The following CCDC88C variants were observed in gnomAD, a reference collection of about 807,000 sequenced individuals.
The protein encoded by CCDC88C is coiled-coil and HOOK domain protein 88C, also known as protein Daple.
A neutral mutation model predicts 198.8 loss-of-function variants in CCDC88C; 131 were observed. The ratio of observed to expected loss-of-function variants is 0.66; its 90% CI spans 0.57 to 0.76. The LOEUF is 0.76. CCDC88C is among the 30% of genes least tolerant of loss of function. CCDC88C has a pLI of 0.00. For synonymous variants in CCDC88C, 1,166 were observed against 1,114.7 expected (o/e 1.05, Z -0.92); for missense variants, 2,553 against 2,631.6 (o/e 0.97, Z 0.65).
At chr14:91,383,336 A>T (rs937353772) in intron 3 of CCDC88C, among the ~76,000 whole-genome samples, 1 of 152,192 alleles carries the variant, frequency 6.6e-6, no homozygotes, top group Non-Finnish European at 1.5e-5. Flanking sequence ...CCCAGCCAGG[A>T]ATCTCAGGGG....
intron 4 of CCDC88C, among the ~76,000 whole-genome samples, chr14:91,348,628 C>A (rs981542363): frequency 1.3e-5 from 2 of 152,132 alleles, no homozygotes; most frequent in Non-Finnish European, 2.9e-5. Context: ...CATCCCAACA[C>A]CCATTAGACA....
chr14:91,391,400 TC>T (rs969235773), intron 3 of CCDC88C, among the ~76,000 whole-genome samples: 1 of 152,144 alleles, frequency 6.6e-6, no homozygotes, highest in African/African-American at 2.4e-5. Context: ...ATCCCCACCA[TC>T]CATTTCTAGA....
Position 91,338,829 on chromosome 14 carries a change from G to T in CCDC88C, c.810-259C>A. The T allele has an allele frequency of 1.9e-6, 1 of 521,332 alleles. No individual in the cohort carries two copies. The highest frequency in any genetic ancestry group is 3.5e-6 in the Non-Finnish European group (1 of 287,814). 32.3% of individuals were successfully genotyped at this position (521,332 alleles called of 1,614,324 possible). On this transcript the variant is annotated intron_variant, in intron 8 of 29. Coordinates refer to ENST00000389857, the MANE Select transcript of CCDC88C (RefSeq NM_001080414.4). The surrounding 1 kb of genome is among the most constrained non-coding windows in gnomAD (Gnocchi z 4.8). ...CCTCCCTGTGTGTGGGGCAGGTAAG[G>T]AGACCCCAGCGGCAGCTGTACCACC...
intron 15 of CCDC88C, among the ~76,000 whole-genome samples, chr14:91,311,331 C>T (rs141098048): frequency 4.6e-5 from 7 of 152,338 alleles, no homozygotes; most frequent in African/African-American, 1.2e-4. Context: ...CTGCATGGAT[C>T]GTCAGTCATC....
chr14:91,367,218 T>C (rs745893640), intron 3 of CCDC88C, among the ~76,000 whole-genome samples: 3 of 150,780 alleles, frequency 2.0e-5, no homozygotes, highest in Non-Finnish European at 4.4e-5. Flanking sequence ...GAGCTGCTAA[T>C]GCAGAATAAA....
At chr14:91,356,367 C>T (rs550204765) in intron 4 of CCDC88C, among the ~76,000 whole-genome samples, 144 of 152,302 alleles carry the variant, frequency 9.5e-4, no homozygotes, top group African/African-American at 3.4e-3. Context: ...TCTAGCATGT[C>T]AGTCAGCGAG....
At chr14:91,314,431 T>A (rs751707730) in intron 14 of CCDC88C, among the ~76,000 whole-genome samples, 3 of 152,206 alleles carry the variant, frequency 2.0e-5, no homozygotes, top group Non-Finnish European at 4.4e-5. Context: ...TTTCTCTTGG[T>A]CTCTGGTAGC....
At chr14:91,327,837 C>A (rs193097108) in intron 10 of CCDC88C, among the ~76,000 whole-genome samples, 1 of 152,208 alleles carries the variant, frequency 6.6e-6, no homozygotes, top group African/African-American at 2.4e-5. Context: ...GAGCAACCAC[C>A]GCACAGGCTG....
intron 3 of CCDC88C, among the ~76,000 whole-genome samples, chr14:91,374,412 A>C (rs903419832): frequency 3.3e-5 from 5 of 152,232 alleles, no homozygotes; most frequent in Admixed American, 6.5e-5. Context: ...AAAGAGGTAA[A>C]TATATGTCAC....
chr14:91,324,971 T>TC, intron 11 of CCDC88C, 48 bp from the exon 12 acceptor site: 4 of 1,609,250 alleles, frequency 2.5e-6, no homozygotes, highest in Non-Finnish European at 3.4e-6. Flanking sequence ...CAGCTGGAGA[T>TC]CCCCCTGGAC....
intron 3 of CCDC88C, among the ~76,000 whole-genome samples, chr14:91,370,134 C>T (rs906710274): frequency 6.6e-5 from 10 of 152,238 alleles, no homozygotes; most frequent in Non-Finnish European, 7.3e-5. Flanking sequence ...CCGCTAACTC[C>T]TGCCTCTGCC....
At chr14:91,311,267 G>C (rs772468747) in intron 15 of CCDC88C, among the ~76,000 whole-genome samples, 2 of 152,226 alleles carry the variant, frequency 1.3e-5, no homozygotes, top group Non-Finnish European at 2.9e-5. Context: ...TAACGAGCCG[G>C]GGCTCTGCCT....
rs200261539 is a variant in CCDC88C at position 91,289,196 on chromosome 14, C to A, written c.4350G>T (p.Pro1450=). ...CGGGGTTCTCGGCCTGTGATCTGAG[C>A]GGCTGAGAGGCCGCCGGCGAGGCGG... ...SDPASPAASQ[P]LRSQAENPDT... Residue 1450 remains proline, a synonymous_variant, in exon 25 of 30, where the codon CCG becomes CCT. Coordinates refer to ENST00000389857, the MANE Select transcript of CCDC88C (RefSeq NM_001080414.4). The A allele has an allele frequency of 1.9e-6, 3 of 1,613,956 alleles. No individual in the cohort carries two copies. The highest frequency in any genetic ancestry group is 4.5e-5 in the East Asian group (2 of 44,878).
At position 91,339,044 on chromosome 14, in the gene CCDC88C, T is replaced by C. The variant is rs1255373317; in HGVS notation, c.809+234A>G. The C allele has an allele frequency of 1.6e-6, 1 of 622,538 alleles. No homozygotes were observed. The highest frequency in any genetic ancestry group is 1.8e-5 in the African/African-American group (1 of 55,506). 38.6% of individuals were successfully genotyped at this position (622,538 alleles called of 1,614,324 possible). ...GCTTCTGTGGACAACTTGCACCGTC[T>C]GGACGGGAGGAAACCCTGAAGACCG... On this transcript the variant is annotated intron_variant, in intron 8 of 29. Coordinates refer to ENST00000389857, the MANE Select transcript of CCDC88C (RefSeq NM_001080414.4). The surrounding 1 kb of genome is among the most constrained non-coding windows in gnomAD (Gnocchi z 5.8).
intron 3 of CCDC88C, among the ~76,000 whole-genome samples, chr14:91,387,480 A>C (rs979867159): frequency 1.3e-5 from 2 of 152,224 alleles, no homozygotes; most frequent in African/African-American, 4.8e-5. Context: ...GCTCCCAGGA[A>C]GGCAATGACA....
chr14:91,281,328 A>G (rs1596017587), intron 27 of CCDC88C, 129 bp downstream of exon 27: 2 of 1,546,674 alleles, frequency 1.3e-6, no homozygotes, highest in East Asian at 4.9e-5. Context: ...GGAAGGAAGA[A>G]TGGGTCCCCC....
chr14:91,309,399 T>C (rs970594156), intron 16 of CCDC88C, among the ~76,000 whole-genome samples: 4 of 151,118 alleles, frequency 2.6e-5, no homozygotes, highest in Non-Finnish European at 5.9e-5. Flanking sequence ...AGCTCAGGAG[T>C]TCAAGACCAG....
At chr14:91,318,609 C>T (rs2139815732) in intron 13 of CCDC88C, among the ~76,000 whole-genome samples, 1 of 152,260 alleles carries the variant, frequency 6.6e-6, no homozygotes, top group South Asian at 2.1e-4. Flanking sequence ...GACCAGTTCC[C>T]AGGAGTGGGG....
chr14:91,307,651 GT>G (rs1891617532), intron 17 of CCDC88C, among the ~76,000 whole-genome samples: 1 of 152,258 alleles, frequency 6.6e-6, no homozygotes, highest in Non-Finnish European at 1.5e-5. Context: ...CATGGCATGT[GT>G]TCAAAACTGA....
Sources: gnomAD v4.1 joint callset for allele counts (sites outside exome capture counted in the v4.1 genomes callset) on GRCh38, gnomAD v4.1.1 for gene constraint, Gnocchi (gnomAD v3.1) non-coding constraint, MANE v1.5 for transcripts, NCBI Gene and HGNC (gene_info 2026-07-23, HGNC 2026-07-21) for gene names.